Variants in SNX9 observed in about 807,000 individuals in gnomAD.
The protein encoded by SNX9 is sorting nexin 9.
A neutral mutation model predicts 89.4 loss-of-function variants in SNX9; 44 were observed. The ratio of observed to expected loss-of-function variants is 0.49; its 90% CI spans 0.39 to 0.63. The LOEUF is 0.63. Among genes scored for constraint, SNX9 ranks in the 30% least tolerant of loss-of-function variants. SNX9 has a pLI of 0.00. For synonymous variants in SNX9, 236 were observed against 247.8 expected (o/e 0.95, Z 0.45); for missense variants, 578 against 736.1 (o/e 0.79, Z 2.49).
chr6:157,875,169 A>G lies in SNX9; in HGVS notation c.293A>G (p.Asn98Ser), dbSNP rs1583211929. 6.2e-7 allele frequency: 1 copy of G among 1,608,386 alleles called. No homozygotes were observed. The highest frequency in any genetic ancestry group is 8.5e-7 in the Non-Finnish European group (1 of 1,177,072). Residue 98 changes from asparagine (N) to serine (S), a missense_variant, in exon 4 of 18, where the codon AAT becomes AGT. Asn to Ser is a conservative substitution (Grantham distance 46, BLOSUM62 1). Around this residue, in one of 2 missense-constraint regions of SNX9, gnomAD observed 230 missense variants for 244.7 expected, o/e 0.94. Coordinates refer to ENST00000392185, the MANE Select transcript of SNX9 (RefSeq NM_016224.5). ...AQASSSAASN[N>S]HQVGSGNDPW... is the part of the protein sequence containing the mutation. ...GCCAGTTCGTCGGCTGCCAGCAACA[A>G]TCACCAGGTACGTCTCACTTCCTCC...
Position 157,943,105 on chromosome 6 carries a change from A to G in SNX9, c.*267A>G, listed in dbSNP as rs1203282248. The G allele has an allele frequency of 2.5e-5, 8 of 323,854 alleles. No individual in the cohort carries two copies. 20.1% of individuals were successfully genotyped at this position (323,854 alleles called of 1,614,324 possible). On this transcript the variant is annotated 3_prime_UTR_variant, in exon 18 of 18. Coordinates refer to ENST00000392185, the MANE Select transcript of SNX9 (RefSeq NM_016224.5). ...TACTTAAAAGTTACCAGAATTTTCAATGGAAAATGAGGGGTTTCTCCCCAC... is the reference window on the plus strand; with the variant it reads ...TACTTAAAAGTTACCAGAATTTTCAGTGGAAAATGAGGGGTTTCTCCCCAC...
intron 11 of SNX9, 122 bp from the exon 12 acceptor site, chr6:157,928,477 T>C: frequency 1.4e-6 from 1 of 709,150 alleles, no homozygotes; most frequent in East Asian, 2.9e-5. Context: ...AAGGCTAACT[T>C]AGTGAAAGGG....
At chr6:157,903,110 A>G (rs1408333663) in intron 6 of SNX9, among the ~76,000 whole-genome samples, 2 of 152,348 alleles carry the variant, frequency 1.3e-5, no homozygotes, top group East Asian at 3.9e-4. Context: ...GAGATATATT[A>G]GTAATTTATG....
chr6:157,874,915 G>A (rs999194857), intron 3 of SNX9, 136 bp from the exon 4 acceptor site: 39 of 884,148 alleles, frequency 4.4e-5, no homozygotes, highest in Non-Finnish European at 5.6e-5. Flanking sequence ...ATGAGTATGC[G>A]GCAAAAGCAG....
Position 157,823,938 on chromosome 6 carries a change from C to T in SNX9, c.12+492C>T, listed in dbSNP as rs917282096. ...GGAGAGGACGCGGCGCTTCCCGTCC[C>T]GGCCTGCGGGGGCTCGCGGCCGGGG... On this transcript the variant is annotated intron_variant, in intron 1 of 17. Transcript: ENST00000392185. This position sits in a 1 kb window ranked among gnomAD's most constrained non-coding sequence, Gnocchi z 4.6. Among the ~76,000 whole-genome samples, 2 of 152,038 alleles carry T rather than the reference C, an allele frequency of 1.3e-5. No individual in the cohort carries two copies. Among genetic ancestry groups the T allele is most frequent in the Non-Finnish European group, 2.9e-5 (2 of 67,974 alleles).
intron 1 of SNX9, among the ~76,000 whole-genome samples, chr6:157,863,932 G>A (rs2886222): frequency 0.03 from 4,560 of 152,226 alleles, 226 homozygotes; most frequent in African/African-American, 0.1. Context: ...ATTATTCTCA[G>A]TTCAGATTTC....
chr6:157,826,669 G>T (rs1781350808), intron 1 of SNX9, among the ~76,000 whole-genome samples: 1 of 130,834 alleles, frequency 7.6e-6, no homozygotes, highest in South Asian at 2.1e-4. Flanking sequence ...AAAAGCTGCA[G>T]AGCATTTTAG....
At chr6:157,930,463 C>G (rs1783789310) in intron 12 of SNX9, among the ~76,000 whole-genome samples, 1 of 152,182 alleles carries the variant, frequency 6.6e-6, no homozygotes, top group Admixed American at 6.5e-5. Flanking sequence ...GGCCCCCAAT[C>G]CCCAGGCCAT....
intron 10 of SNX9, among the ~76,000 whole-genome samples, chr6:157,923,776 C>CT (rs2115194326): frequency 6.6e-6 from 1 of 152,314 alleles, no homozygotes; most frequent in African/African-American, 2.4e-5. Context: ...AGAGTAGACA[C>CT]TTGATCTATG....
intron 7 of SNX9, among the ~76,000 whole-genome samples, chr6:157,906,495 A>G (rs1262415523): frequency 1.3e-5 from 2 of 152,160 alleles, no homozygotes; most frequent in Admixed American, 1.3e-4. Context: ...TGTATTTTAC[A>G]TAGTTTTTCT....
chr6:157,842,153 G>A (rs1453920027), intron 1 of SNX9, among the ~76,000 whole-genome samples: 1 of 152,064 alleles, frequency 6.6e-6, no homozygotes, highest in East Asian at 1.9e-4. Flanking sequence ...CCAGTCTGTT[G>A]GTAGGCAGTG....
At chr6:157,849,727 T>G (rs1781871110) in intron 1 of SNX9, among the ~76,000 whole-genome samples, 1 of 152,052 alleles carries the variant, frequency 6.6e-6, no homozygotes, top group South Asian at 2.1e-4. Flanking sequence ...TTTCAGTTTC[T>G]TTTTGGGTGA....
intron 7 of SNX9, 60 bp from the exon 8 acceptor site, chr6:157,909,605 C>A: frequency 6.3e-7 from 1 of 1,592,830 alleles, no homozygotes; most frequent in African/African-American, 1.3e-5. Flanking sequence ...TGATTCACAT[C>A]AATTGTATTT....
intron 1 of SNX9, among the ~76,000 whole-genome samples, chr6:157,859,915 C>A (rs1412434998): frequency 1.3e-5 from 2 of 151,914 alleles, no homozygotes; most frequent in African/African-American, 2.4e-5. Flanking sequence ...AATTTTGTTC[C>A]GGGTCATGTT....
chr6:157,827,190 T>C (rs1469656221), intron 1 of SNX9, among the ~76,000 whole-genome samples: 1 of 25,886 alleles, frequency 3.9e-5, no homozygotes, highest in Non-Finnish European at 5.2e-5. Context: ...TATTATAGTT[T>C]ATATAATATA....
At chr6:157,830,279 T>TA (rs1781456546) in intron 1 of SNX9, 2 of 152,242 alleles carry the variant, frequency 1.3e-5, no homozygotes, top group African/African-American at 4.8e-5. Flanking sequence ...GTAAATCTCT[T>TA]ATATGTCTCT....
At chr6:157,915,821 T>G (rs935489406) in intron 9 of SNX9, among the ~76,000 whole-genome samples, 1 of 83,950 alleles carries the variant, frequency 1.2e-5, no homozygotes, top group Non-Finnish European at 2.5e-5. Context: ...TTAGACTCTG[T>G]CAAAAAAAAA....
At chr6:157,833,503 A>G (rs113286806) in intron 1 of SNX9, among the ~76,000 whole-genome samples, 2 of 152,300 alleles carry the variant, frequency 1.3e-5, no homozygotes, top group African/African-American at 4.8e-5. Flanking sequence ...ACTTAAGGAA[A>G]TTTTCTTCTT....
intron 4 of SNX9, chr6:157,885,476 A>G (rs1405121351): frequency 6.6e-6 from 1 of 152,240 alleles, no homozygotes. Flanking sequence ...AGAGAATATT[A>G]TAACCTCTTC....
Sources: allele counts gnomAD v4.1 joint callset (sites outside exome capture counted in the v4.1 genomes callset), GRCh38; gene constraint gnomAD v4.1.1; regional missense constraint gnomAD v4.1.1; non-coding constraint Gnocchi (gnomAD v3.1); transcripts MANE v1.5; gene names NCBI Gene and HGNC (gene_info 2026-07-23, HGNC 2026-07-21).